SCARA3: variants seen among roughly 807,000 people sequenced by gnomAD.
SCARA3 encodes the protein scavenger receptor class A member 3.
Under a neutral mutation model 47.0 loss-of-function variants are expected in SCARA3, and 39 were observed. The ratio of observed to expected loss-of-function variants is 0.83; its 90% CI spans 0.64 to 1.08. The LOEUF is 1.08. SCARA3 is among the 50% of genes least tolerant of loss of function. SCARA3 has a pLI of 0.00. For missense variants in SCARA3, 724 were observed against 792.3 expected (o/e 0.91, Z 1.04); for synonymous variants, 356 against 334.1 (o/e 1.07, Z -0.71).
At chr8:27,731,022 G>A in the SCARA3 span, among the ~76,000 whole-genome samples, 1 of 150,888 alleles carries the variant, frequency 6.6e-6, no homozygotes, top group South Asian at 2.1e-4. Flanking sequence ...GGCGTTAACA[G>A]AGGGCCTGCA....
chr8:27,651,697 C>G, intron 3 of SCARA3, 70 bp downstream of exon 3: 1 of 1,583,292 alleles, frequency 6.3e-7, no homozygotes, highest in East Asian at 2.2e-5. Flanking sequence ...CCAAAAGTTC[C>G]CCTGCAAAGA....
intron 1 of SCARA3, among the ~76,000 whole-genome samples, chr8:27,647,154 AAAAT>A (rs1014341784): frequency 7.3e-4 from 111 of 152,190 alleles, no homozygotes; most frequent in Non-Finnish European, 1.5e-5. Context: ...CTCATGGGCA[AAAAT>A]GCACGTGCAC....
At chr8:27,719,710 T>A in the SCARA3 span, among the ~76,000 whole-genome samples, 1 of 152,146 alleles carries the variant, frequency 6.6e-6, no homozygotes, top group East Asian at 1.9e-4. Context: ...GTAAACATCC[T>A]ATTATTTATT....
intron 5 of SCARA3, among the ~76,000 whole-genome samples, chr8:27,666,244 TCTAAGCCTC>T (rs1211169392): frequency 6.6e-6 from 1 of 152,184 alleles, no homozygotes; most frequent in African/African-American, 2.4e-5. Context: ...TTTGTTGGTT[TCTAAGCCTC>T]TTTGCACAAA....
intron 5 of SCARA3, among the ~76,000 whole-genome samples, chr8:27,669,822 G>A (rs1802104323): frequency 6.6e-6 from 1 of 152,240 alleles, no homozygotes; most frequent in Non-Finnish European, 1.5e-5. Flanking sequence ...AGAAAACAAA[G>A]AGGGGCACAG....
At chr8:27,709,033 T>C in the SCARA3 span, among the ~76,000 whole-genome samples, 1 of 152,068 alleles carries the variant, frequency 6.6e-6, no homozygotes, top group Non-Finnish European at 1.5e-5. Context: ...AGCACAGAGA[T>C]AAAGTTGGTA....
At chr8:27,681,420 T>G (rs1049222457), downstream of SCARA3, among the ~76,000 whole-genome samples, 4 of 152,146 alleles carry the variant, frequency 2.6e-5, no homozygotes, top group Admixed American at 2.0e-4. Context: ...TTGACAAAAT[T>G]TGTTTAATAT....
chr8:27,637,822 C>T lies in SCARA3; in HGVS notation c.7+3615C>T, dbSNP rs181585426. On this transcript the variant is annotated intron_variant, in intron 1 of 5. Transcript: ENST00000301904. ...GATGCAATCCCAGGAGGAATCCGCC[C>T]TGCACCGCTCCTCTGGCCGAGAGGA... is the stretch of plus-strand genomic sequence containing the variant. Among the ~76,000 whole-genome samples the T allele has an allele frequency of 2.0e-5, 3 of 152,186 alleles. No homozygotes were observed. In the East Asian group the frequency reaches 5.8e-4, roughly 29 times the overall value.
At chr8:27,647,084 G>T (rs371967502) in intron 1 of SCARA3, among the ~76,000 whole-genome samples, 2 of 150,854 alleles carry the variant, frequency 1.3e-5, no homozygotes, top group African/African-American at 4.9e-5. Flanking sequence ...CCAGCTCTAT[G>T]ACTTGAGCCA....
At chr8:27,664,825 C>T (rs910911680) in intron 5 of SCARA3, among the ~76,000 whole-genome samples, 1 of 151,890 alleles carries the variant, frequency 6.6e-6, no homozygotes, top group Non-Finnish European at 1.5e-5. Context: ...GAGAGCAAAA[C>T]GGGGCATCTG....
chr8:27,709,887 G>A, the SCARA3 span, among the ~76,000 whole-genome samples: 1 of 152,160 alleles, frequency 6.6e-6, no homozygotes, highest in Non-Finnish European at 1.5e-5. Context: ...AGGCAGTTCT[G>A]CCTTAGGACC....
At chr8:27,645,577 T>G (rs989509220) in intron 1 of SCARA3, among the ~76,000 whole-genome samples, 2 of 152,254 alleles carry the variant, frequency 1.3e-5, no homozygotes, top group African/African-American at 4.8e-5. Context: ...CTAACCAGCT[T>G]CCAGGCCACT....
downstream of SCARA3, among the ~76,000 whole-genome samples, chr8:27,677,293 G>A (rs1045002584): frequency 1.5e-4 from 23 of 152,184 alleles, no homozygotes; most frequent in African/African-American, 5.6e-4. Context: ...AAGAAGAAAC[G>A]GTGACTGGAG....
chr8:27,689,263 C>T, the SCARA3 span, among the ~76,000 whole-genome samples: 1 of 152,270 alleles, frequency 6.6e-6, no homozygotes, highest in South Asian at 2.1e-4. Context: ...CCAGTTCCGA[C>T]GGAAGGGCGG....
chr8:27,683,601 A>T, the SCARA3 span, among the ~76,000 whole-genome samples: 2 of 152,204 alleles, frequency 1.3e-5, no homozygotes, highest in Non-Finnish European at 2.9e-5. Flanking sequence ...CTTCTTATGA[A>T]GGTAAACACC....
the SCARA3 span, among the ~76,000 whole-genome samples, chr8:27,716,387 G>C: frequency 6.6e-6 from 1 of 151,892 alleles, no homozygotes; most frequent in Admixed American, 6.6e-5. Context: ...AGCTGGGCAG[G>C]GGAAGTACAA....
chr8:27,714,104 G>A, the SCARA3 span, among the ~76,000 whole-genome samples: 1 of 151,822 alleles, frequency 6.6e-6, no homozygotes, highest in South Asian at 2.1e-4. Context: ...CCCAGAAGGA[G>A]ATGCCAGTGC....
At chr8:27,657,173 G>C (rs537585876) in intron 4 of SCARA3, among the ~76,000 whole-genome samples, 1 of 152,286 alleles carries the variant, frequency 6.6e-6, no homozygotes, top group Admixed American at 6.5e-5. Flanking sequence ...ATAGCCTCAT[G>C]CATCTGAAAT....
intron 1 of SCARA3, among the ~76,000 whole-genome samples, chr8:27,644,387 G>A (rs1390359291): frequency 1.3e-5 from 2 of 152,214 alleles, no homozygotes; most frequent in Non-Finnish European, 2.9e-5. Context: ...CCTCATAGCA[G>A]CTGTGGTCCC....
Sources: allele counts gnomAD v4.1 joint callset (sites outside exome capture counted in the v4.1 genomes callset), GRCh38; gene constraint gnomAD v4.1.1; transcripts MANE v1.5; gene names NCBI Gene and HGNC (gene_info 2026-07-23, HGNC 2026-07-21).